The following ZNF775 variants were observed in gnomAD, a reference collection of about 807,000 sequenced individuals.
The protein encoded by ZNF775 is zinc finger protein 775.
A neutral mutation model predicts 2.4 loss-of-function variants in ZNF775; 1 was observed. The observed-to-expected ratio is 0.41, with a 90% CI of 0.15 to 1.94. The LOEUF (loss-of-function observed/expected upper bound fraction) is 1.94, where lower values mean the gene tolerates loss of function less well. Among genes scored for constraint, ZNF775 ranks in the 30% most tolerant of loss-of-function variants. ZNF775 has a pLI of 0.30. For synonymous variants in ZNF775, 381 were observed against 373.3 expected (o/e 1.02, Z -0.24); for missense variants, 823 against 826.6 (o/e 1.00, Z 0.05).
At position 150,397,754 on chromosome 7, in the gene ZNF775, G is replaced by A. The variant is rs758828910; in HGVS notation, c.1273G>A (p.Ala425Thr). Residue 425 changes from alanine (A) to threonine (T), a missense_variant, in exon 3 of 3, where the codon GCC (alanine) becomes ACC (threonine). Coordinates refer to ENST00000329630, the MANE Select transcript of ZNF775 (RefSeq NM_173680.4). Reference protein sequence around the residue: ...RPRSSQRSPGARDTLWGRGQA... With the variant: ...RPRSSQRSPGTRDTLWGRGQA... ...GCGGAGCTCCCAACGGTCCCCGGGG[G>A]CCCGGGACACGCTGTGGGGCCGGGG... The A allele has an allele frequency of 6.7e-7, 1 of 1,498,704 alleles. No homozygotes were observed. The highest frequency in any genetic ancestry group is 8.9e-7 in the Non-Finnish European group (1 of 1,128,804). 92.8% of individuals were successfully genotyped at this position (1,498,704 alleles called of 1,614,324 possible). A position where few individuals can be genotyped will look rare whatever the true frequency, so the allele number is the denominator to read the frequency against.
At chr7:150,385,634 GATA>G (rs1800439186) in intron 1 of ZNF775, among the ~76,000 whole-genome samples, 1 of 152,214 alleles carries the variant, frequency 6.6e-6, no homozygotes, top group Non-Finnish European at 1.5e-5. Context: ...ATGTTCTCAG[GATA>G]AACAGCAACC....
chr7:150,393,115 AGTTCCCTGTGCTCC>A (rs1800589271), intron 2 of ZNF775, among the ~76,000 whole-genome samples: 1 of 151,658 alleles, frequency 6.6e-6, no homozygotes, highest in African/African-American at 2.4e-5. Context: ...CTGCCCCCCA[AGTTCCCTGTGCTCC>A]GTCTGTTCAT....
Position 150,396,537 on chromosome 7 carries a change from A to G in ZNF775, c.56A>G (p.Lys19Arg). Residue 19 changes from lysine to arginine, a missense_variant, in exon 3 of 3, where the codon AAG becomes AGG. Transcript: ENST00000329630. ...GTGAGLVMKV[K>R]QEKPERLLQT... is the part of the protein sequence containing the mutation. ...GGAGCTGGGCTGGTGATGAAGGTCA[A>G]GCAGGAGAAGCCGGAGCGGCTGCTG... 1 of 1,601,576 alleles carries G rather than the reference A, an allele frequency of 6.2e-7. No homozygotes were observed. The highest frequency in any genetic ancestry group is 8.5e-7 in the Non-Finnish European group (1 of 1,175,986).
At position 150,397,547 on chromosome 7, in the gene ZNF775, C is replaced by T. The variant is rs1322088052; in HGVS notation, c.1066C>T (p.Leu356=). The part of the protein sequence containing the change: ...FRQKQHLLKH[L]RTHLPGAQAA... Reference sequence around the variant, plus strand: ...CCAGAAGCAGCACCTGCTCAAGCACCTGCGCACGCACCTGCCCGGCGCCCA... The same window carrying T: ...CCAGAAGCAGCACCTGCTCAAGCACTTGCGCACGCACCTGCCCGGCGCCCA... The change falls in exon 3 of 3, where the codon CTG becomes TTG. Residue 356 remains leucine, a synonymous_variant. Coordinates refer to ENST00000329630, the MANE Select transcript of ZNF775 (RefSeq NM_173680.4). The T allele has an allele frequency of 1.1e-5, 17 of 1,547,238 alleles. No individual in the cohort carries two copies. Among genetic ancestry groups the T allele is most frequent in the Non-Finnish European group, 1.5e-5 (17 of 1,153,626 alleles).
chr7:150,389,362 G>A lies in ZNF775; in HGVS notation c.31+861G>A, dbSNP rs1265569727. Among the ~76,000 whole-genome samples, 3 of 152,248 alleles carry A rather than the reference G, an allele frequency of 2.0e-5. No homozygotes were observed. In the South Asian group the frequency reaches 6.2e-4, roughly 31 times the overall value. ...ATATCATGTCAGGAGACCCAAGACTGAGACAAAAATCAGGCAGCGGGGTAA... is the reference window on the plus strand; with the variant it reads ...ATATCATGTCAGGAGACCCAAGACTAAGACAAAAATCAGGCAGCGGGGTAA... On this transcript the variant is annotated intron_variant, in intron 2 of 2. Transcript: ENST00000329630.
At position 150,379,545 on chromosome 7, in the gene ZNF775, T is replaced by TGCCCCGA. The variant is rs1339122201; in HGVS notation, c.-50+160_-50+166dup. Reference sequence around the variant, plus strand: ...GGAGGGATGGGGCGGGGGCCTGGGGTGCCCCGAGCCCCGCGCGCCCCCCGA... The same window carrying TGCCCCGA: ...GGAGGGATGGGGCGGGGGCCTGGGGTGCCCCGAGCCCCGAGCCCCGCGCGCCCCCCGA... On this transcript the variant is annotated intron_variant, in intron 1 of 2. Transcript: ENST00000329630. Among the ~76,000 whole-genome samples, 1,450 of 150,028 alleles carry TGCCCCGA rather than the reference T, an allele frequency of 9.7e-3. 25 individuals carry two copies. Among genetic ancestry groups the TGCCCCGA allele is most frequent in the African/African-American group, 0.034 (1,389 of 40,632 alleles).
chr7:150,388,005 C>T (rs1563257732), intron 1 of ZNF775, among the ~76,000 whole-genome samples: 1 of 152,004 alleles, frequency 6.6e-6, no homozygotes, highest in Non-Finnish European at 1.5e-5. Flanking sequence ...CTTCCGGGTG[C>T]ATTCCTCATG....
intron 2 of ZNF775, among the ~76,000 whole-genome samples, chr7:150,394,657 C>T (rs138837992): frequency 6.6e-6 from 1 of 150,804 alleles, no homozygotes; most frequent in African/African-American, 2.4e-5. Context: ...CTCTCCCTCC[C>T]TCCCTCCCTC....
rs968429571 is a variant in ZNF775 at position 150,398,389 on chromosome 7, T to C, written c.*294T>C. 6 of 491,742 alleles carry C rather than the reference T, an allele frequency of 1.2e-5. No homozygotes were observed. Among genetic ancestry groups the C allele is most frequent in the African/African-American group, 4.0e-5 (2 of 49,930 alleles). The allele number at this position is 491,742 out of a possible 1,614,324, so 30.5% of individuals were successfully genotyped here. A position where few individuals can be genotyped will look rare whatever the true frequency, so the allele number is the denominator to read the frequency against. ...CTTCAAGCACCGAGTGAGGGGTCTG[T>C]TGGGGACGCTGGGAGAGTCTCTGGT... On this transcript the variant is annotated 3_prime_UTR_variant, in exon 3 of 3. Transcript: ENST00000329630.
At position 150,398,398 on chromosome 7, in the gene ZNF775, C is replaced by G; in HGVS notation, c.*303C>G. 1 of 463,314 alleles carries G rather than the reference C, an allele frequency of 2.2e-6. No individual in the cohort carries two copies. 28.7% of individuals were successfully genotyped at this position (463,314 alleles called of 1,614,324 possible). A position where few individuals can be genotyped will look rare whatever the true frequency, so the allele number is the denominator to read the frequency against. On this transcript the variant is annotated 3_prime_UTR_variant, in exon 3 of 3. Transcript: ENST00000329630. ...CCGAGTGAGGGGTCTGTTGGGGACG[C>G]TGGGAGAGTCTCTGGTGTGAAGTGG...
In ZNF775 at chr7:150,396,508, G is replaced by A; in HGVS notation, c.32-5G>A. 1 of 1,584,942 alleles carries A rather than the reference G, an allele frequency of 6.3e-7. No individual in the cohort carries two copies. ...TCCCTCCTCTCTCCCGCTTGCCTCT[G>A]GCAGGAGCTGGGCTGGTGATGAAGG... On this transcript the variant is annotated splice_region_variant and splice_polypyrimidine_tract_variant and intron_variant, in intron 2 of 2. Transcript: ENST00000329630.
chr7:150,395,103 G>T (rs1800626148), intron 2 of ZNF775, among the ~76,000 whole-genome samples: 1 of 152,184 alleles, frequency 6.6e-6, no homozygotes, highest in African/African-American at 2.4e-5. Flanking sequence ...GGTACACTGA[G>T]ATGTTCTTCT....
chr7:150,384,637 G>A lies in ZNF775; in HGVS notation c.-49-3785G>A, dbSNP rs376204453. ...AAAGACTTGGCCTCCCCTCATTCCT[G>A]TCCTCTGTGTTTCCCCCTTTGAATT... On this transcript the variant is annotated intron_variant, in intron 1 of 2. Transcript: ENST00000329630. This position sits in a 1 kb window ranked among gnomAD's most constrained non-coding sequence, Gnocchi z 4.1. Among the ~76,000 whole-genome samples the A allele has an allele frequency of 2.6e-5, 4 of 152,134 alleles. No individual in the cohort carries two copies. In the South Asian group the frequency reaches 8.3e-4, roughly 32 times the overall value.
intron 2 of ZNF775, among the ~76,000 whole-genome samples, chr7:150,392,375 T>G (rs1800573788): frequency 6.6e-6 from 1 of 152,228 alleles, no homozygotes; most frequent in Admixed American, 6.5e-5. Flanking sequence ...GTACTGTACA[T>G]TATTGTAATG....
Position 150,397,798 on chromosome 7 carries a change from G to C in ZNF775, c.1317G>C (p.Gly439=). 1 of 1,565,840 alleles carries C rather than the reference G, an allele frequency of 6.4e-7. No homozygotes were observed. The highest frequency in any genetic ancestry group is 1.4e-5 in the African/African-American group (1 of 73,860). Residue 439 remains glycine, a synonymous_variant, in exon 3 of 3, where the codon GGG becomes GGC. Coordinates refer to ENST00000329630, the MANE Select transcript of ZNF775 (RefSeq NM_173680.4). ...LWGRGQAGLA[G]PGEPRQFICN... ...GCCGGGGACAAGCGGGCCTCGCTGG[G>C]CCTGGCGAGCCGCGCCAGTTCATCT...
chr7:150,396,055 A>G (rs1488925617), intron 2 of ZNF775, among the ~76,000 whole-genome samples: 1 of 152,170 alleles, frequency 6.6e-6, no homozygotes, highest in Non-Finnish European at 1.5e-5. Flanking sequence ...CAGCACGTCG[A>G]TCCTCTTAGA....
intron 2 of ZNF775, 46 bp from the exon 3 acceptor site, chr7:150,396,467 G>C (rs776091856): frequency 9.2e-6 from 14 of 1,526,710 alleles, no homozygotes; most frequent in Non-Finnish European, 1.2e-5. Context: ...ACCCAGCGGA[G>C]CAGCAGTGAC....
At chr7:150,381,875 AG>A (rs1800368287) in intron 1 of ZNF775, among the ~76,000 whole-genome samples, 1 of 150,184 alleles carries the variant, frequency 6.7e-6, no homozygotes, top group East Asian at 2.0e-4. Flanking sequence ...GGGAAGGGTC[AG>A]GGCTGGGAGA....
chr7:150,387,794 A>T (rs1265781055), intron 1 of ZNF775, among the ~76,000 whole-genome samples: 1 of 146,712 alleles, frequency 6.8e-6, no homozygotes, highest in East Asian at 2.0e-4. Flanking sequence ...TGGGCAACAG[A>T]GCGAGACTCC....
Sources: allele counts gnomAD v4.1 joint callset (sites outside exome capture counted in the v4.1 genomes callset), GRCh38; gene constraint gnomAD v4.1.1; non-coding constraint Gnocchi (gnomAD v3.1); transcripts MANE v1.5; gene names NCBI Gene and HGNC (gene_info 2026-07-23, HGNC 2026-07-21).